ELOVL7: variants seen among roughly 807,000 people sequenced by gnomAD.
The protein encoded by ELOVL7 is ELOVL fatty acid elongase 7, also known as very long chain fatty acid elongase 7.
Under a neutral mutation model 35.7 loss-of-function variants are expected in ELOVL7, and 27 were observed. The ratio of observed to expected loss-of-function variants is 0.76; its 90% confidence interval spans 0.56 to 1.04. The LOEUF (loss-of-function observed/expected upper bound fraction) is 1.04. Among genes scored for constraint, ELOVL7 ranks in the 50% least tolerant of loss-of-function variants. The probability of loss-of-function intolerance (pLI) is 0.00; values close to 1 mark genes in which losing one functional copy is unlikely to be tolerated. For missense variants in ELOVL7, 327 were observed against 340.8 expected, an observed-to-expected ratio of 0.96 and a Z score of 0.32; for synonymous variants, 113 against 114.6, an observed-to-expected ratio of 0.99 and a Z score of 0.09.
chr5:60,785,752 T>G (rs1423958697), intron 3 of ELOVL7: 1 of 152,144 alleles, frequency 6.6e-6, no homozygotes, highest in African/African-American at 2.4e-5. Flanking sequence ...GAAAAAAAAG[T>G]TAAGAAAAGA....
intron 7 of ELOVL7, among the ~76,000 whole-genome samples, 167 bp downstream of exon 7, chr5:60,764,060 A>T (rs1053251338): frequency 6.6e-6 from 1 of 152,196 alleles, no homozygotes; most frequent in Non-Finnish European, 1.5e-5. Flanking sequence ...CCTAGTTATT[A>T]TGAGTCTTAT....
chr5:60,771,935 T>A lies in ELOVL7; in HGVS notation c.223A>T (p.Ile75Leu). ...CACATATACACAGAAAAGAGTACTA[T>A]GAAAAAATTGTACGTTATCATTGCT... The part of the protein sequence containing the change: ...KKAMITYNFF[I>L]VLFSVYMCYE... Residue 75 changes from isoleucine (I) to leucine (L), a missense_variant, in exon 4 of 9, where the codon ATA becomes TTA. Coordinates refer to ENST00000508821, the MANE Select transcript of ELOVL7 (RefSeq NM_024930.3). 6.2e-7 allele frequency: 1 copy of A among 1,613,470 alleles called. No homozygotes were observed. Among genetic ancestry groups the A allele is most frequent in the East Asian group, 2.2e-5 (1 of 44,858 alleles).
intron 1 of ELOVL7, among the ~76,000 whole-genome samples, chr5:60,804,795 T>C (rs989853362): frequency 6.6e-6 from 1 of 152,252 alleles, no homozygotes; most frequent in Non-Finnish European, 1.5e-5. Context: ...TTCCCCACTT[T>C]TTTGAAACAA....
chr5:60,786,328 A>G (rs1265678945), intron 3 of ELOVL7, among the ~76,000 whole-genome samples: 2 of 152,240 alleles, frequency 1.3e-5, no homozygotes, highest in East Asian at 1.9e-4. Flanking sequence ...TAAAAGCAAC[A>G]CAACATATTT....
At chr5:60,834,489 T>C (rs1746671676) in intron 1 of ELOVL7, among the ~76,000 whole-genome samples, 1 of 152,140 alleles carries the variant, frequency 6.6e-6, no homozygotes, top group Non-Finnish European at 1.5e-5. Flanking sequence ...TAGATGTTAT[T>C]AATGAAAGCC....
intron 1 of ELOVL7, among the ~76,000 whole-genome samples, chr5:60,810,469 A>G (rs1329484180): frequency 1.3e-5 from 2 of 152,194 alleles, no homozygotes; most frequent in Non-Finnish European, 2.9e-5. Flanking sequence ...AATTCATGTT[A>G]GAAACATTAT....
chr5:60,802,610 C>T (rs1744710791), intron 1 of ELOVL7: 1 of 152,154 alleles, frequency 6.6e-6, no homozygotes, highest in Non-Finnish European at 1.5e-5. Flanking sequence ...GCACATATAT[C>T]CAGGATGTAA....
intron 1 of ELOVL7, among the ~76,000 whole-genome samples, chr5:60,840,852 G>A (rs190559065): frequency 6.6e-6 from 1 of 152,174 alleles, no homozygotes; most frequent in East Asian, 1.9e-4. Flanking sequence ...TATAACTTAG[G>A]TTGTTTATAA....
chr5:60,764,271 G>C lies in ELOVL7; in HGVS notation c.455C>G (p.Thr152Ser). The change falls in exon 7 of 9, where the codon ACC becomes AGC. Residue 152 changes from threonine (T) to serine (S), a missense_variant. Physicochemically the swap from Thr to Ser is moderately conservative, Grantham distance 58. Transcript: ENST00000508821. ...QVTFLHVFHHTIMPWTWWFGV... is the reference protein window; with the variant it reads ...QVTFLHVFHHSIMPWTWWFGV... ...AAACCACCAGGTCCACGGCATGATG[G>C]TATGATGGAATACATGAAGGAAAGT... 2 of 1,613,748 alleles carry C rather than the reference G, an allele frequency of 1.2e-6. No individual in the cohort carries two copies. Among genetic ancestry groups the C allele is most frequent in the Non-Finnish European group, 1.7e-6 (2 of 1,179,812 alleles).
intron 3 of ELOVL7, chr5:60,784,293 C>T (rs1561439776): frequency 4.2e-6 from 2 of 476,852 alleles, no homozygotes; most frequent in African/African-American, 3.8e-5. Context: ...TACTCATACT[C>T]CATCTTCTTG....
In ELOVL7 at chr5:60,838,359, G is replaced by A. The variant is rs574351495; in HGVS notation, c.-86+5801C>T. On this transcript the variant is annotated intron_variant, in intron 1 of 8. Coordinates refer to ENST00000508821, the MANE Select transcript of ELOVL7 (RefSeq NM_024930.3). ...TCTCAGAAGGACTTCCTGTCTGCCC[G>A]CCTCTGCCTTGCCTCCCCAGGACCT... Among the ~76,000 whole-genome samples, 6 of 152,154 alleles carry A rather than the reference G, an allele frequency of 3.9e-5. No individual in the cohort carries two copies. In the South Asian group the frequency reaches 1.2e-3, roughly 32 times the overall value.
intron 3 of ELOVL7, among the ~76,000 whole-genome samples, chr5:60,779,853 T>A (rs913021929): frequency 1.3e-5 from 2 of 152,226 alleles, no homozygotes; most frequent in Non-Finnish European, 2.9e-5. Context: ...TGGTCCTTCC[T>A]CTTGAATGCT....
intron 2 of ELOVL7, among the ~76,000 whole-genome samples, chr5:60,796,860 G>A (rs6449501): frequency 0.58 from 88,378 of 152,016 alleles, 26,452 homozygotes; most frequent in East Asian, 0.89. Context: ...AGTGGGAAAG[G>A]GTGGGGAATA....
At position 60,771,935 on chromosome 5, in the gene ELOVL7, T is replaced by C. The variant is rs145945715; in HGVS notation, c.223A>G (p.Ile75Val). The C allele has an allele frequency of 2.7e-4, 438 of 1,613,470 alleles. 4 individuals are homozygous for C. The African/African-American group carries it at 4.7e-3, about 17-fold the overall frequency. Reference sequence around the variant, plus strand: ...CACATATACACAGAAAAGAGTACTATGAAAAAATTGTACGTTATCATTGCT... The same window carrying C: ...CACATATACACAGAAAAGAGTACTACGAAAAAATTGTACGTTATCATTGCT... Reference protein sequence around the residue: ...KKAMITYNFFIVLFSVYMCYE... With the variant: ...KKAMITYNFFVVLFSVYMCYE... Residue 75 changes from isoleucine (I) to valine (V), a missense_variant, in exon 4 of 9, where the codon ATA becomes GTA. By Grantham distance (29) the Ile-to-Val change is conservative (BLOSUM62 3). Transcript: ENST00000508821.
At chr5:60,766,687 T>C in intron 5 of ELOVL7, 57 bp from the exon 6 acceptor site, 6 of 1,524,710 alleles carry the variant, frequency 3.9e-6, no homozygotes, top group Non-Finnish European at 5.4e-6. Context: ...AAGCTTATAT[T>C]TTTAAATTTT....
At chr5:60,758,058 C>G (rs1334089637) in intron 7 of ELOVL7, among the ~76,000 whole-genome samples, 1 of 152,168 alleles carries the variant, frequency 6.6e-6, no homozygotes, top group Non-Finnish European at 1.5e-5. Flanking sequence ...ACCCATGTCA[C>G]TACCAAGATC....
At chr5:60,806,059 T>C (rs1477007878) in intron 1 of ELOVL7, among the ~76,000 whole-genome samples, 2 of 152,168 alleles carry the variant, frequency 1.3e-5, no homozygotes, top group African/African-American at 4.8e-5. Flanking sequence ...GGTCATTAGG[T>C]GGTCCCTAAT....
chr5:60,779,830 T>G (rs762892020), intron 3 of ELOVL7, among the ~76,000 whole-genome samples: 2 of 152,210 alleles, frequency 1.3e-5, no homozygotes, highest in Non-Finnish European at 2.9e-5. Context: ...GCTGCAAATT[T>G]TCCAAACTTT....
chr5:60,802,351 C>T (rs1744695671), intron 1 of ELOVL7, among the ~76,000 whole-genome samples: 1 of 151,872 alleles, frequency 6.6e-6, no homozygotes, highest in South Asian at 2.1e-4. Context: ...TTCTGATGGG[C>T]CAGGTTTGAG....
Sources: allele counts gnomAD v4.1 joint callset (sites outside exome capture counted in the v4.1 genomes callset), GRCh38; gene constraint gnomAD v4.1.1; transcripts MANE v1.5; gene names NCBI Gene and HGNC (gene_info 2026-07-23, HGNC 2026-07-21).